The following COL12A1 variants were observed in gnomAD, a reference collection of about 807,000 sequenced individuals.
COL12A1 encodes collagen type XII alpha 1 chain.
In COL12A1, 114 loss-of-function variants were observed where a neutral mutation model predicts 349.7. The observed-to-expected ratio is 0.33, with a 90% CI of 0.28 to 0.38. The LOEUF is 0.38. Among genes scored for constraint, COL12A1 ranks in the 10% least tolerant of loss-of-function variants. The pLI is 1.00. For missense variants in COL12A1, 3,284 were observed against 3,756.9 expected (o/e 0.87, Z 3.29); for synonymous variants, 1,369 against 1,329.0 (o/e 1.03, Z -0.66).
chr6:75,143,404 A>G lies in COL12A1; in HGVS notation c.4691-16T>C, dbSNP rs750281471. 13 of 1,611,230 alleles carry G rather than the reference A, an allele frequency of 8.1e-6. No homozygotes were observed. The highest frequency in any genetic ancestry group is 1.1e-5 in the Non-Finnish European group (13 of 1,179,438). The stretch of plus-strand genomic sequence containing the variant: ...GGTAAAGGCACTAGAGAAGCACGAG[A>G]TATTAAATCCAGATGTGCTTCTCAA... On this transcript the variant is annotated splice_polypyrimidine_tract_variant and intron_variant, in intron 25 of 65. Transcript: ENST00000322507.
chr6:75,172,820 G>T (rs1236904689), intron 13 of COL12A1, among the ~76,000 whole-genome samples: 3 of 152,170 alleles, frequency 2.0e-5, no homozygotes, highest in Non-Finnish European at 2.9e-5. Context: ...CCACTTATAT[G>T]CAGATTTATT....
At chr6:75,137,299 T>A in intron 31 of COL12A1, 138 bp downstream of exon 31, 1 of 763,220 alleles carries the variant, frequency 1.3e-6, no homozygotes, top group Non-Finnish European at 2.0e-6. Context: ...AGCTAAAGAG[T>A]CAGATTATTC....
In COL12A1 at chr6:75,163,795, C is replaced by A. The variant is rs1768143997; in HGVS notation, c.2983+1712G>T. 3.3e-5 allele frequency among the ~76,000 whole-genome samples: 5 copies of A among 152,118 alleles called. No homozygotes were observed. In the South Asian group the frequency reaches 1.0e-3, roughly 31 times the overall value. On this transcript the variant is annotated intron_variant, in intron 14 of 65. Coordinates refer to ENST00000322507, the MANE Select transcript of COL12A1 (RefSeq NM_004370.6). ...GATACAGAGATTTATTTAGTTTCTG[C>A]CACCATATTTGCTTTTGGCGACAAC...
chr6:75,191,868 T>C (rs2149478575), intron 4 of COL12A1, 108 bp from the exon 5 acceptor site: 1 of 612,792 alleles, frequency 1.6e-6, no homozygotes, highest in Non-Finnish European at 2.5e-6. Flanking sequence ...CTTAAATGTA[T>C]GGCTCTGCCC....
At chr6:75,163,870 A>G (rs1376999337) in intron 14 of COL12A1, among the ~76,000 whole-genome samples, 2 of 152,106 alleles carry the variant, frequency 1.3e-5, no homozygotes, top group Non-Finnish European at 1.5e-5. Flanking sequence ...GAAGCCTCCA[A>G]CTTTTTGGAA....
At chr6:75,151,474 A>G (rs1767482110) in intron 20 of COL12A1, among the ~76,000 whole-genome samples, 187 bp from the exon 21 acceptor site, 1 of 152,166 alleles carries the variant, frequency 6.6e-6, no homozygotes, top group Admixed American at 6.6e-5. Context: ...GATAATACAA[A>G]CTGAAAGCTC....
At chr6:75,141,683 T>A (rs1766898537) in intron 27 of COL12A1, among the ~76,000 whole-genome samples, 1 of 152,174 alleles carries the variant, frequency 6.6e-6, no homozygotes, top group Admixed American at 6.5e-5. Flanking sequence ...CCCCAAAAAA[T>A]TATAAATAAT....
At chr6:75,121,502 T>C (rs1391516098) in intron 43 of COL12A1, 61 bp from the exon 44 acceptor site, 1 of 1,454,706 alleles carries the variant, frequency 6.9e-7, no homozygotes, top group African/African-American at 1.4e-5. Context: ...TTAAATGAAA[T>C]CACATAATTG....
At chr6:75,147,888 A>G in intron 22 of COL12A1, 84 bp from the exon 23 acceptor site, 1 of 1,411,846 alleles carries the variant, frequency 7.1e-7, no homozygotes. Context: ...AGTTAACTGC[A>G]GTGAGCTTAG....
intron 8 of COL12A1, among the ~76,000 whole-genome samples, chr6:75,185,827 T>C (rs1242172926): frequency 1.3e-5 from 2 of 152,148 alleles, no homozygotes; most frequent in African/African-American, 4.8e-5. Flanking sequence ...CCTACAACCA[T>C]CTGATCTTCA....
chr6:75,184,007 CGTGCTGTCGGCTTCCTGCAGTCATTG>C lies in COL12A1; in HGVS notation c.1109_1134del (p.Pro370ArgfsTer36). 6.2e-7 allele frequency: 1 copy of C among 1,614,148 alleles called. No homozygotes were observed. Among genetic ancestry groups the C allele is most frequent in the Non-Finnish European group, 8.5e-7 (1 of 1,180,026 alleles). On this transcript the variant is annotated frameshift_variant, in exon 9 of 66. Coordinates refer to ENST00000322507, the MANE Select transcript of COL12A1 (RefSeq NM_004370.6). LOFTEE classifies it high-confidence loss of function. The stretch of plus-strand genomic sequence containing the variant: ...GTTGTCTGAGGCCCCACACTCAGAG[CGTGCTGTCGGCTTCCTGCAGTCATTG>C]GTGTGAGGATGACTTTGTAGCCAGT...
chr6:75,172,724 A>AT (rs1768701533), intron 13 of COL12A1, among the ~76,000 whole-genome samples: 1 of 152,110 alleles, frequency 6.6e-6, no homozygotes, highest in Admixed American at 6.5e-5. Flanking sequence ...TGTTTCTACT[A>AT]TTTTTTTCAA....
intron 26 of COL12A1, 147 bp downstream of exon 26, chr6:75,143,105 T>C: frequency 2.3e-6 from 2 of 856,206 alleles, no homozygotes; most frequent in Non-Finnish European, 3.5e-6. Flanking sequence ...TTTCAAAAAC[T>C]GCTTTATTAA....
chr6:75,128,565 A>T, intron 37 of COL12A1, 140 bp from the exon 38 acceptor site: 1 of 648,650 alleles, frequency 1.5e-6, no homozygotes, highest in Non-Finnish European at 2.2e-6. Flanking sequence ...GCTCGTGACA[A>T]GACAAACTAT....
intron 14 of COL12A1, 111 bp from the exon 15 acceptor site, chr6:75,156,634 GT>G (rs1217944582): frequency 4.1e-6 from 4 of 972,402 alleles, no homozygotes; most frequent in Non-Finnish European, 6.0e-6. Flanking sequence ...TATGTACACT[GT>G]TCCATTGCTT....
intron 56 of COL12A1, 110 bp downstream of exon 56, chr6:75,102,487 C>T (rs1768351015): frequency 2.6e-6 from 2 of 772,298 alleles, no homozygotes; most frequent in Non-Finnish European, 3.8e-6. Context: ...GGTGACTAAC[C>T]TCGTTGAATT....
At chr6:75,123,803 T>C in intron 42 of COL12A1, 145 bp downstream of exon 42, 1 of 894,526 alleles carries the variant, frequency 1.1e-6, no homozygotes, top group Non-Finnish European at 1.6e-6. Context: ...AGCTTTAGAC[T>C]CCACATTCAG....
In COL12A1 at chr6:75,090,375, T is replaced by G. The variant is rs760720746; in HGVS notation, c.8753-77A>C. The G allele has an allele frequency of 4.3e-5, 60 of 1,385,646 alleles. No individual in the cohort carries two copies. Among genetic ancestry groups the G allele is most frequent in the Admixed American group, 6.3e-5 (3 of 47,498 alleles). The allele number at this position is 1,385,646 out of a possible 1,614,324, so 85.8% of individuals were successfully genotyped here. A position where few individuals can be genotyped will look rare whatever the true frequency, so the allele number is the denominator to read the frequency against. On this transcript the variant is annotated intron_variant, in intron 62 of 65. Transcript: ENST00000322507. The surrounding 1 kb of genome is among the most constrained non-coding windows in gnomAD (Gnocchi z 4.1). ...AGAGAGTGAAACTGTTTTCTCTTAG[T>G]GTCTAGTGAAATCCATCTCCATTCT...
rs1441493942 is a variant in COL12A1 at position 75,138,421 on chromosome 6, T to G, written c.5230+27A>C. ...TTAAAAATTAACTTTAAAATATCAA[T>G]GTCCTATTTGAAAGCTAAACACCTA... On this transcript the variant is annotated intron_variant, in intron 29 of 65. Coordinates refer to ENST00000322507, the MANE Select transcript of COL12A1 (RefSeq NM_004370.6). The G allele has an allele frequency of 3.1e-6, 5 of 1,608,644 alleles. No homozygotes were observed. The South Asian group carries it at 5.6e-5, about 18-fold the overall frequency.
Sources: allele counts gnomAD v4.1 joint callset (sites outside exome capture counted in the v4.1 genomes callset), GRCh38; gene constraint gnomAD v4.1.1; non-coding constraint Gnocchi (gnomAD v3.1); transcripts MANE v1.5; gene names NCBI Gene and HGNC (gene_info 2026-07-23, HGNC 2026-07-21).